The following GARIN1A variants were observed in gnomAD, a reference collection of about 807,000 sequenced individuals.
The protein encoded by GARIN1A is Golgi-associated RAB2 interactor protein 1A.
the GARIN1A span, among the ~76,000 whole-genome samples, chr7:128,689,741 T>A: frequency 9.0e-6 from 1 of 110,646 alleles, no homozygotes; most frequent in Non-Finnish European, 2.0e-5. Context: ...GGGAGGGAGG[T>A]GGGGGTCAGC....
chr7:128,676,436 TGTAA>T, the GARIN1A span, among the ~76,000 whole-genome samples: 1 of 143,456 alleles, frequency 7.0e-6, no homozygotes, highest in African/African-American at 2.6e-5. Context: ...TGTGTGTGTG[TGTAA>T]GTGTGTGTGT....
chr7:128,699,238 G>T, the GARIN1A span, among the ~76,000 whole-genome samples: 1 of 147,210 alleles, frequency 6.8e-6, no homozygotes, highest in African/African-American at 2.5e-5. Flanking sequence ...GTAATTTTGG[G>T]GCCTGTCTGT....
At chr7:128,690,133 G>A in the GARIN1A span, among the ~76,000 whole-genome samples, 1 of 152,212 alleles carries the variant, frequency 6.6e-6, no homozygotes, top group Non-Finnish European at 1.5e-5. Context: ...TCTGAAACAT[G>A]TGCTGTGTCC....
chr7:128,689,037 G>A, the GARIN1A span, among the ~76,000 whole-genome samples: 2 of 151,760 alleles, frequency 1.3e-5, no homozygotes, highest in African/African-American at 4.8e-5. Context: ...TCCTAACCTC[G>A]AGTGATCCGC....
the GARIN1A span, chr7:128,688,021 CT>C: frequency 1.2e-3 from 173 of 146,312 alleles, no homozygotes; most frequent in Admixed American, 2.3e-3. Context: ...CACATACAAT[CT>C]TTTTTTTTTT....
At chr7:128,695,896 A>G in the GARIN1A span, among the ~76,000 whole-genome samples, 3 of 151,896 alleles carry the variant, frequency 2.0e-5, no homozygotes, top group African/African-American at 4.8e-5. The surrounding 1 kb of genome is among the most constrained non-coding windows in gnomAD (Gnocchi z 4.5). Flanking sequence ...TTCCATACCT[A>G]TACTACACAT....
At chr7:128,672,603 C>A in the GARIN1A span, 1 of 1,088,682 alleles carries the variant, frequency 9.2e-7, no homozygotes, top group Non-Finnish European at 1.2e-6. Context: ...AAACCTGTTC[C>A]TAGGGGTTGG....
At chr7:128,697,913 G>C in the GARIN1A span, among the ~76,000 whole-genome samples, 1 of 152,148 alleles carries the variant, frequency 6.6e-6, no homozygotes, top group African/African-American at 2.4e-5. Flanking sequence ...TTTTGGAGTA[G>C]TAAATTCAAT....
At chr7:128,706,999 G>A in the GARIN1A span, among the ~76,000 whole-genome samples, 2 of 151,804 alleles carry the variant, frequency 1.3e-5, no homozygotes, top group African/African-American at 4.8e-5. Flanking sequence ...CTTTGTCAGA[G>A]GACATGGGGT....
At chr7:128,672,255 C>T in the GARIN1A span, 5 of 621,224 alleles carry the variant, frequency 8.0e-6, no homozygotes, top group Non-Finnish European at 1.4e-5. Flanking sequence ...CTGACAGGCC[C>T]TCCCAGCCCT....
chr7:128,692,167 A>G, the GARIN1A span, among the ~76,000 whole-genome samples: 217 of 152,308 alleles, frequency 1.4e-3, no homozygotes, highest in African/African-American at 4.9e-3. Flanking sequence ...GTGTACACCC[A>G]TGAAGTCTAA....
the GARIN1A span, among the ~76,000 whole-genome samples, chr7:128,694,302 C>T: frequency 0.11 from 16,902 of 152,092 alleles, 1,056 homozygotes; most frequent in East Asian, 0.17. Context: ...GAGGCTGAGG[C>T]GGGCGGATCA....
the GARIN1A span, among the ~76,000 whole-genome samples, chr7:128,694,340 T>C: frequency 6.6e-6 from 1 of 152,088 alleles, no homozygotes. Context: ...AAGACTAGCC[T>C]AGCCAACATG....
the GARIN1A span, among the ~76,000 whole-genome samples, chr7:128,674,684 T>C: frequency 6.6e-6 from 1 of 152,146 alleles, no homozygotes; most frequent in Admixed American, 6.5e-5. Flanking sequence ...AAAATTCACT[T>C]TTCTGGGAAC....
At chr7:128,672,223 A>T in the GARIN1A span, 3 of 541,404 alleles carry the variant, frequency 5.5e-6, no homozygotes, top group African/African-American at 2.0e-5. Context: ...ACATTCCTTG[A>T]TGTCATTCCT....
chr7:128,696,008 C>CT, the GARIN1A span, among the ~76,000 whole-genome samples: 484 of 80,134 alleles, frequency 6.0e-3, 3 homozygotes, highest in African/African-American at 8.9e-3. Flanking sequence ...TCCTAACTTC[C>CT]TTTTTTTTTT....
chr7:128,676,744 G>A, the GARIN1A span, among the ~76,000 whole-genome samples: 4 of 151,788 alleles, frequency 2.6e-5, no homozygotes. Flanking sequence ...CAGTAAGTCA[G>A]GATATAGGGA....
the GARIN1A span, among the ~76,000 whole-genome samples, chr7:128,699,269 C>G: frequency 9.8e-5 from 14 of 143,462 alleles, 2 homozygotes; most frequent in African/African-American, 1.5e-4. Context: ...TGCCCCCCCC[C>G]CCCCACCACC....
chr7:128,703,204 A>T, the GARIN1A span, among the ~76,000 whole-genome samples: 12 of 152,362 alleles, frequency 7.9e-5, no homozygotes, highest in Admixed American at 7.8e-4. Context: ...CTTAATTGGC[A>T]TTTATTGAAC....
Sources: gnomAD v4.1 joint callset for allele counts (sites outside exome capture counted in the v4.1 genomes callset) on GRCh38, gnomAD v4.1.1 for gene constraint, Gnocchi (gnomAD v3.1) non-coding constraint, MANE v1.5 for transcripts, NCBI Gene and HGNC (gene_info 2026-07-23, HGNC 2026-07-21) for gene names.